DPF3: variants seen among roughly 807,000 people sequenced by gnomAD.
DPF3 encodes zinc finger protein DPF3.
Under a neutral mutation model 56.8 loss-of-function variants are expected in DPF3, and 18 were observed. That is an observed-to-expected ratio of 0.32 (90% CI 0.22 to 0.47). The LOEUF is 0.47. Among genes scored for constraint, DPF3 ranks in the 20% least tolerant of loss-of-function variants. The pLI is 1.00. For missense variants in DPF3, 403 were observed against 488.8 expected (o/e 0.82, Z 1.65); for synonymous variants, 188 against 180.2 (o/e 1.04, Z -0.35).
At chr14:72,653,406 G>A (rs1343933387) in intron 8 of DPF3, among the ~76,000 whole-genome samples, 1 of 152,220 alleles carries the variant, frequency 6.6e-6, no homozygotes, top group African/African-American at 2.4e-5. Flanking sequence ...GGGCCAGCGA[G>A]GAGCCTACCG....
At chr14:72,671,483 T>G in intron 8 of DPF3, 7 of 1,129,278 alleles carry the variant, frequency 6.2e-6, no homozygotes, top group Non-Finnish European at 9.3e-6. Flanking sequence ...GTGCATCACC[T>G]GGTGACGGGG....
rs1338356938 is a variant in DPF3, at chr14:72,632,703, A to AGAAGGGAAG, written c.872-2976_872-2968dup. ...GGAGAAGGGAAGAGATGAAAGGGAC[A>AGAAGGGAAG]GAAGGGAAGGAAGGGAAGGAAGGGA... is the stretch of plus-strand genomic sequence containing the variant. On this transcript the variant is annotated intron_variant, in intron 8 of 10. Transcript: ENST00000556509. Among the ~76,000 whole-genome samples, 307 of 113,496 alleles carry AGAAGGGAAG rather than the reference A, an allele frequency of 2.7e-3. 2 individuals carry two copies. The highest frequency in any genetic ancestry group is 8.6e-3 in the African/African-American group (293 of 33,990). 74.5% of individuals were successfully genotyped at this position (113,496 alleles called of 152,430 possible). A position where few individuals can be genotyped will look rare whatever the true frequency, so the allele number is the denominator to read the frequency against.
chr14:72,620,169 C>T (rs1306283764), intron 9 of DPF3, among the ~76,000 whole-genome samples, 185 bp from the exon 10 acceptor site: 1 of 152,100 alleles, frequency 6.6e-6, no homozygotes. Flanking sequence ...GGAGTTTCCC[C>T]CTCTACCTCC....
chr14:72,746,318 C>T (rs1890321279), intron 3 of DPF3, among the ~76,000 whole-genome samples: 1 of 152,238 alleles, frequency 6.6e-6, no homozygotes, highest in Non-Finnish European at 1.5e-5. Context: ...AGGCTCGTTA[C>T]CACTGACTCC....
chr14:72,622,962 A>T (rs912572086), intron 9 of DPF3, among the ~76,000 whole-genome samples: 1 of 152,198 alleles, frequency 6.6e-6, no homozygotes, highest in Non-Finnish European at 1.5e-5. Flanking sequence ...TCAATAAGGG[A>T]ATGGTTGGAT....
At chr14:72,697,518 G>A (rs1887956568) in intron 6 of DPF3, among the ~76,000 whole-genome samples, 3 of 152,178 alleles carry the variant, frequency 2.0e-5, no homozygotes, top group African/African-American at 4.8e-5. Context: ...TGCAAACTGC[G>A]AGAAGTCTAA....
intron 7 of DPF3, among the ~76,000 whole-genome samples, chr14:72,674,873 T>A (rs1404088479): frequency 6.6e-6 from 1 of 152,244 alleles, no homozygotes; most frequent in Non-Finnish European, 1.5e-5. Context: ...TGGGAGGTCA[T>A]TTCCAGGAAT....
rs1883830939 is a variant in DPF3 at position 72,612,930 on chromosome 14, C to A, written c.*6367G>T. On this transcript the variant is annotated 3_prime_UTR_variant, in exon 11 of 11. Transcript: ENST00000556509. ...AGGAAAGATGCACCTTGCCTGGCAG[C>A]CCCTGGCTCTCCCTCTTGTCCTGGA... 6.6e-6 allele frequency among the ~76,000 whole-genome samples: 1 copy of A among 151,858 alleles called. No individual in the cohort carries two copies. Among genetic ancestry groups the A allele is most frequent in the Non-Finnish European group, 1.5e-5 (1 of 67,982 alleles).
chr14:72,728,104 GC>G (rs1175797608), intron 4 of DPF3, among the ~76,000 whole-genome samples: 34 of 152,302 alleles, frequency 2.2e-4, no homozygotes, highest in African/African-American at 7.2e-4. Context: ...AAGGCTCTGG[GC>G]AGTGGCTCTG....
Position 72,731,921 on chromosome 14 carries a change from G to C in DPF3, c.315C>G (p.Pro105=), listed in dbSNP as rs35206255. ...CTGAGGTGAACCCATCCTTCTTCAGGGGAAGCTCCACTTCTGAAAAACAAA... is the reference window on the plus strand; with the variant it reads ...CTGAGGTGAACCCATCCTTCTTCAGCGGAAGCTCCACTTCTGAAAAACAAA... ...LLEIKPEVEL[P]LKKDGFTSES... Residue 105 remains proline (P), a synonymous_variant, in exon 4 of 11, where the codon CCC becomes CCG. Transcript: ENST00000556509. The C allele has an allele frequency of 5.9e-3, 9,325 of 1,588,748 alleles. 34 individuals are homozygous for C. The highest frequency in any genetic ancestry group is 7.2e-3 in the Non-Finnish European group (8,402 of 1,167,456).
At chr14:72,762,353 T>G (rs1227871148) in intron 2 of DPF3, among the ~76,000 whole-genome samples, 1 of 151,892 alleles carries the variant, frequency 6.6e-6, no homozygotes, top group Non-Finnish European at 1.5e-5. Context: ...AAAGTGGGGT[T>G]TATCCTAGGA....
rs1407972205 is a variant in DPF3, at chr14:72,723,653, T to C, written c.505A>G (p.Lys169Glu). The C allele has an allele frequency of 6.3e-7, 1 of 1,586,410 alleles. No homozygotes were observed. The highest frequency in any genetic ancestry group is 8.5e-7 in the Non-Finnish European group (1 of 1,171,470). The change falls in exon 5 of 11, where the codon AAG (lysine) becomes GAG (glutamate). Residue 169 changes from lysine (K) to glutamate (E), a missense_variant. Physicochemically the swap from Lys to Glu is moderately conservative, Grantham distance 56. Around this residue, in one of 2 missense-constraint regions of DPF3, gnomAD observed 340 missense variants for 374.3 expected, o/e 0.91. Coordinates refer to ENST00000556509, the MANE Select transcript of DPF3 (RefSeq NM_001280542.3). The stretch of plus-strand genomic sequence containing the variant: ...CTTACCCGTCCTCTAGTCCTGTTCT[T>C]TCGCTTGGGAATATCCTCTTCCAAA... ...EDLEEDIPKR[K>E]NRTRGRARGS...
At chr14:72,707,293 G>A (rs1386912065) in intron 6 of DPF3, among the ~76,000 whole-genome samples, 1 of 152,146 alleles carries the variant, frequency 6.6e-6, no homozygotes, top group Admixed American at 6.5e-5. Flanking sequence ...ACATACGTGT[G>A]CATGTGTCTT....
At chr14:72,892,019 CG>C in intron 1 of DPF3, 1 of 943,662 alleles carries the variant, frequency 1.1e-6, no homozygotes, top group Non-Finnish European at 1.4e-6. Context: ...TCCCCAAACA[CG>C]CACCCTACTG....
Position 72,632,922 on chromosome 14 carries a change from T to C in DPF3, c.872-3186A>G, listed in dbSNP as rs372973822. 2.7e-5 allele frequency among the ~76,000 whole-genome samples: 4 copies of C among 150,886 alleles called. No individual in the cohort carries two copies. In the East Asian group the frequency reaches 5.9e-4, roughly 22 times the overall value. On this transcript the variant is annotated intron_variant, in intron 8 of 10. Transcript: ENST00000556509. ...GGGCTGTACGCTAAGGAAAGAATTGTTGAGGGGTGGGAGGGTACAGGAATG... is the reference window on the plus strand; with the variant it reads ...GGGCTGTACGCTAAGGAAAGAATTGCTGAGGGGTGGGAGGGTACAGGAATG...
chr14:72,672,046 C>G (rs979812589), intron 8 of DPF3, among the ~76,000 whole-genome samples: 11 of 118,332 alleles, frequency 9.3e-5, no homozygotes, highest in Admixed American at 8.7e-4. Flanking sequence ...CACACACACA[C>G]ACACACACAC....
chr14:72,783,436 G>A (rs1892072868), intron 1 of DPF3, among the ~76,000 whole-genome samples: 1 of 152,198 alleles, frequency 6.6e-6, no homozygotes, highest in African/African-American at 2.4e-5. Context: ...CAGCTTGAAT[G>A]ATACCGAATC....
chr14:72,874,074 A>T (rs2140115203), intron 1 of DPF3, among the ~76,000 whole-genome samples: 1 of 150,092 alleles, frequency 6.7e-6, no homozygotes, highest in South Asian at 2.1e-4. Flanking sequence ...AAGTATGATA[A>T]AAAAAAAAAG....
chr14:72,768,548 T>C lies in DPF3; in HGVS notation c.193+3185A>G, dbSNP rs777275260. Among the ~76,000 whole-genome samples, 40 of 152,200 alleles carry C rather than the reference T, an allele frequency of 2.6e-4. 1 individual carries two copies. The highest frequency in any genetic ancestry group is 4.0e-4 in the Non-Finnish European group (27 of 68,044). ...TAAGATGTATTAATCTTGGAGGAAATTGGATGAAGAAGATAGGGGATCTCT... is the reference window on the plus strand; with the variant it reads ...TAAGATGTATTAATCTTGGAGGAAACTGGATGAAGAAGATAGGGGATCTCT... On this transcript the variant is annotated intron_variant, in intron 2 of 10. Transcript: ENST00000556509.
Sources: allele counts gnomAD v4.1 joint callset (sites outside exome capture counted in the v4.1 genomes callset), GRCh38; gene constraint gnomAD v4.1.1; regional missense constraint gnomAD v4.1.1; transcripts MANE v1.5; gene names NCBI Gene and HGNC (gene_info 2026-07-23, HGNC 2026-07-21).